The following SLC23A2 variants were observed in gnomAD, a reference collection of about 807,000 sequenced individuals.
SLC23A2 encodes solute carrier family 23 member 2.
Under a neutral mutation model 73.3 loss-of-function variants are expected in SLC23A2, and 36 were observed. The observed-to-expected ratio is 0.49, with a 90% CI of 0.38 to 0.65. SLC23A2 has a LOEUF of 0.65. SLC23A2 is among the 30% of genes least tolerant of loss of function. SLC23A2 has a pLI of 0.00. For synonymous variants in SLC23A2, 343 were observed against 327.3 expected (o/e 1.05, Z -0.52); for missense variants, 507 against 841.6 (o/e 0.60, Z 4.92).
At position 4,864,575 on chromosome 20, in the gene SLC23A2, C is replaced by T. The variant is rs117221974; in HGVS notation, c.1357-1668G>A. Among the ~76,000 whole-genome samples the T allele has an allele frequency of 5.2e-3, 799 of 152,322 alleles. 2 individuals are homozygous for T. Among genetic ancestry groups the T allele is most frequent in the Admixed American group, 0.01 (157 of 15,300 alleles). ...GGAAGGCTTTCATTTACTAATGGCC[C>T]TATCTTCAGCAAACATTTTCGAGGA... On this transcript the variant is annotated intron_variant, in intron 13 of 16. Transcript: ENST00000338244.
rs372802275 is a variant in SLC23A2, at chr20:4,932,604, C to T, written c.-42G>A. On this transcript the variant is annotated 5_prime_UTR_variant, in exon 3 of 17. Transcript: ENST00000338244. ...TTTACACAGCCGTTGGGGAGAGCAG[C>T]TGGAAGTGAAGGCTTATTCAAGCTA... is the stretch of plus-strand genomic sequence containing the variant. 7.3e-6 allele frequency: 8 copies of T among 1,096,318 alleles called. No homozygotes were observed. The highest frequency in any genetic ancestry group is 1.1e-5 in the Non-Finnish European group (8 of 707,550). The allele number at this position is 1,096,318 out of a possible 1,614,324, so 67.9% of individuals were successfully genotyped here. A position where few individuals can be genotyped will look rare whatever the true frequency, so the allele number is the denominator to read the frequency against.
At chr20:4,869,336 A>AC (rs1013557354) in intron 12 of SLC23A2, among the ~76,000 whole-genome samples, 3,035 of 151,430 alleles carry the variant, frequency 0.02, 106 homozygotes, top group African/African-American at 0.07. Context: ...AAACAAACAA[A>AC]AAAAAAACAA....
chr20:4,976,332 A>G (rs1009186356), intron 1 of SLC23A2, among the ~76,000 whole-genome samples: 1 of 152,066 alleles, frequency 6.6e-6, no homozygotes, highest in African/African-American at 2.4e-5. Context: ...AGTCTCTCTT[A>G]AGTCATACTA....
intron 1 of SLC23A2, among the ~76,000 whole-genome samples, chr20:4,986,589 C>G (rs914612137): frequency 1.3e-5 from 2 of 151,324 alleles, no homozygotes; most frequent in African/African-American, 4.8e-5. Flanking sequence ...GCTGGGATTA[C>G]AGGCATGAGT....
At chr20:4,922,413 G>A (rs924381723) in intron 3 of SLC23A2, among the ~76,000 whole-genome samples, 1 of 152,172 alleles carries the variant, frequency 6.6e-6, no homozygotes, top group Non-Finnish European at 1.5e-5. Context: ...GGAAAGGAAG[G>A]AAGCTTGTCA....
chr20:4,942,710 G>C (rs969823694), intron 2 of SLC23A2, among the ~76,000 whole-genome samples: 1 of 152,226 alleles, frequency 6.6e-6, no homozygotes, highest in African/African-American at 2.4e-5. Flanking sequence ...ACCTGAAGGA[G>C]AAATGTGATG....
At chr20:4,887,315 C>T (rs1460768579) in intron 6 of SLC23A2, among the ~76,000 whole-genome samples, 2 of 152,206 alleles carry the variant, frequency 1.3e-5, no homozygotes, top group South Asian at 2.1e-4. Context: ...ATTTTCAGGA[C>T]TGTACTGAAA....
At chr20:4,908,864 G>A (rs1309515058) in intron 4 of SLC23A2, among the ~76,000 whole-genome samples, 1 of 152,204 alleles carries the variant, frequency 6.6e-6, no homozygotes, top group African/African-American at 2.4e-5. Flanking sequence ...AAACTGGGGG[G>A]CGGAGGTTGC....
chr20:4,867,996 CCTGGGAG>C (rs66614237), intron 12 of SLC23A2, 121 bp from the exon 13 acceptor site: 123,688 of 581,742 alleles, frequency 0.21, 15,435 homozygotes, highest in African/African-American at 0.35. Context: ...TTCCACATCT[CCTGGGAG>C]CTGGGAGGGC....
intron 3 of SLC23A2, among the ~76,000 whole-genome samples, chr20:4,930,712 G>T (rs747008585): frequency 1.3e-5 from 2 of 152,098 alleles, no homozygotes; most frequent in Non-Finnish European, 2.9e-5. Flanking sequence ...CCAGCTACTC[G>T]GGAGGCTGAG....
chr20:4,895,294 G>A (rs1009368866), intron 6 of SLC23A2, among the ~76,000 whole-genome samples: 2 of 152,164 alleles, frequency 1.3e-5, no homozygotes, highest in African/African-American at 2.4e-5. Context: ...GTGCTGCTGG[G>A]AGTCAGGCCT....
In SLC23A2 at chr20:4,852,924, T is replaced by C. The variant is rs924167431; in HGVS notation, c.*4048A>G. 38 of 152,654 alleles carry C rather than the reference T, an allele frequency of 2.5e-4. No homozygotes were observed. Among genetic ancestry groups the C allele is most frequent in the African/African-American group, 8.0e-4 (33 of 41,450 alleles). 9.5% of individuals were successfully genotyped at this position (152,654 alleles called of 1,614,324 possible). The stretch of plus-strand genomic sequence containing the variant: ...GCTGAAAAGAGACCCCCAACGCTAA[T>C]GTGCCTTATGGGTCCATGGGCAGAC... On this transcript the variant is annotated 3_prime_UTR_variant, in exon 17 of 17. Transcript: ENST00000338244. The surrounding 1 kb of genome is among the most constrained non-coding windows in gnomAD (Gnocchi z 4.3).
chr20:4,888,013 T>C (rs1931173572), intron 6 of SLC23A2, among the ~76,000 whole-genome samples: 1 of 152,146 alleles, frequency 6.6e-6, no homozygotes, highest in African/African-American at 2.4e-5. Context: ...AATTCTCAGC[T>C]CTTCTCTCTG....
intron 3 of SLC23A2, among the ~76,000 whole-genome samples, chr20:4,914,406 A>G (rs949230059): frequency 1.3e-5 from 2 of 152,150 alleles, no homozygotes; most frequent in Non-Finnish European, 2.9e-5. Context: ...ATTTTAAAAA[A>G]AACAAACTTA....
chr20:4,873,857 C>T lies in SLC23A2; in HGVS notation c.1102+79G>A, dbSNP rs566677220. Reference sequence around the variant, plus strand: ...TTCAGGAGACAGTCTGGGACAAAGACGGCTGTTCTGCCAAATTCCCACCCC... The same window carrying T: ...TTCAGGAGACAGTCTGGGACAAAGATGGCTGTTCTGCCAAATTCCCACCCC... On this transcript the variant is annotated intron_variant, in intron 11 of 16. Coordinates refer to ENST00000338244, the MANE Select transcript of SLC23A2 (RefSeq NM_005116.6). 60 of 1,393,334 alleles carry T rather than the reference C, an allele frequency of 4.3e-5. No individual in the cohort carries two copies. The East Asian group carries it at 9.0e-4, about 21-fold the overall frequency. 86.3% of individuals were successfully genotyped at this position (1,393,334 alleles called of 1,614,324 possible). A position where few individuals can be genotyped will look rare whatever the true frequency, so the allele number is the denominator to read the frequency against.
In SLC23A2 at chr20:4,912,965, C is replaced by T. The variant is rs1407159116; in HGVS notation, c.122G>A (p.Gly41Glu). ...CTGCTCACCGCTGGAGGTGGCGCCT[C>T]CATTTATCACCACCTGCAGAGACAA... Reference protein sequence around the residue: ...AFFTLPVVINGGATSSGEQDN... With the variant: ...AFFTLPVVINEGATSSGEQDN... The change falls in exon 4 of 17, where the codon GGA (glycine) becomes GAA (glutamate). Residue 41 changes from glycine to glutamate, a missense_variant. Gly to Glu is a moderately conservative substitution (Grantham distance 98, BLOSUM62 -2). Coordinates refer to ENST00000338244, the MANE Select transcript of SLC23A2 (RefSeq NM_005116.6). The T allele has an allele frequency of 3.1e-6, 5 of 1,608,968 alleles. No individual in the cohort carries two copies. Among genetic ancestry groups the T allele is most frequent in the South Asian group, 1.1e-5 (1 of 90,994 alleles).
chr20:4,861,910 C>T (rs1183360096), intron 15 of SLC23A2, 38 bp downstream of exon 15: 1 of 1,607,336 alleles, frequency 6.2e-7, no homozygotes, highest in African/African-American at 1.3e-5. Context: ...GGCTGTGGTT[C>T]CAGCTCCCAC....
At position 4,853,118 on chromosome 20, in the gene SLC23A2, A is replaced by C. The variant is rs1026955419; in HGVS notation, c.*3854T>G. The C allele has an allele frequency of 1.4e-4, 21 of 152,308 alleles. No homozygotes were observed. The highest frequency in any genetic ancestry group is 5.1e-4 in the African/African-American group (21 of 41,464). 9.4% of individuals were successfully genotyped at this position (152,308 alleles called of 1,614,324 possible). On this transcript the variant is annotated 3_prime_UTR_variant, in exon 17 of 17. Coordinates refer to ENST00000338244, the MANE Select transcript of SLC23A2 (RefSeq NM_005116.6). ...TGGGCTCTTTTCCAAAGCCAAGAGG[A>C]GGCTCCCTGGAGAAGCGAGCTTTGC...
intron 3 of SLC23A2, among the ~76,000 whole-genome samples, chr20:4,918,121 G>A (rs1198623721): frequency 6.6e-6 from 1 of 152,138 alleles, no homozygotes; most frequent in Non-Finnish European, 1.5e-5. Context: ...TTTTAACTGG[G>A]AAATAAAACA....
Sources: allele counts gnomAD v4.1 joint callset (sites outside exome capture counted in the v4.1 genomes callset), GRCh38; gene constraint gnomAD v4.1.1; non-coding constraint Gnocchi (gnomAD v3.1); transcripts MANE v1.5; gene names NCBI Gene and HGNC (gene_info 2026-07-23, HGNC 2026-07-21).